Variants in MTHFD1 observed in about 807,000 individuals in gnomAD.
MTHFD1 encodes methylenetetrahydrofolate dehydrogenase, cyclohydrolase and formyltetrahydrofolate synthetase 1, also known as C-1-tetrahydrofolate synthase, cytoplasmic.
In MTHFD1, 44 loss-of-function variants were observed where a neutral mutation model predicts 110.3. The observed-to-expected ratio is 0.40, with a 90% CI of 0.31 to 0.51. The LOEUF (loss-of-function observed/expected upper bound fraction) is 0.51, where lower values mean the gene tolerates loss of function less well. Among genes scored for constraint, MTHFD1 ranks in the 20% least tolerant of loss-of-function variants. The probability of loss-of-function intolerance (pLI) is 0.60; values close to 1 mark genes in which losing one functional copy is unlikely to be tolerated. For missense variants in MTHFD1, 909 were observed against 1,173.1 expected, an observed-to-expected ratio of 0.77 and a Z score of 3.29; for synonymous variants, 402 against 428.8, an observed-to-expected ratio of 0.94 and a Z score of 0.77.
At chr14:64,397,465 C>T (rs954150536) in intron 1 of MTHFD1, among the ~76,000 whole-genome samples, 4 of 151,586 alleles carry the variant, frequency 2.6e-5, no homozygotes, top group African/African-American at 7.3e-5. Flanking sequence ...GCTGATTTTT[C>T]GTATTTTTTA....
rs570838637 is a variant in MTHFD1 at position 64,432,053 on chromosome 14, G to C, written c.1494+192G>C. ...TTTCTCATTTATCTATAGATTAGAAGTGGCTAGTGTGGAATAAATAGAACA... is the reference window on the plus strand; with the variant it reads ...TTTCTCATTTATCTATAGATTAGAACTGGCTAGTGTGGAATAAATAGAACA... On this transcript the variant is annotated intron_variant, in intron 15 of 27. Transcript: ENST00000652337. Among the ~76,000 whole-genome samples, 6 of 152,304 alleles carry C rather than the reference G, an allele frequency of 3.9e-5. No homozygotes were observed. The South Asian group carries it at 1.2e-3, about 32-fold the overall frequency.
intron 22 of MTHFD1, 30 bp downstream of exon 22, chr14:64,444,764 C>G (rs1192153572): frequency 6.2e-7 from 1 of 1,610,224 alleles, no homozygotes; most frequent in Non-Finnish European, 8.5e-7. Flanking sequence ...ATCACGTGTC[C>G]TAGAAAGCAC....
chr14:64,442,588 C>G (rs1318330731), intron 21 of MTHFD1, among the ~76,000 whole-genome samples, 186 bp downstream of exon 21: 1 of 152,198 alleles, frequency 6.6e-6, no homozygotes, highest in African/African-American at 2.4e-5. Context: ...CGTCAGCGCT[C>G]AGCATTTTAA....
intron 24 of MTHFD1, among the ~76,000 whole-genome samples, chr14:64,450,868 T>C (rs1045007109): frequency 1.3e-5 from 2 of 152,104 alleles, no homozygotes; most frequent in African/African-American, 4.8e-5. Flanking sequence ...CTACCAAGCC[T>C]GGCTAATTTG....
chr14:64,399,916 C>T (rs969987785), intron 1 of MTHFD1, among the ~76,000 whole-genome samples: 5 of 152,132 alleles, frequency 3.3e-5, no homozygotes, highest in Admixed American at 2.0e-4. Flanking sequence ...GCTGGGACTA[C>T]AGGGGCCTGC....
intron 26 of MTHFD1, 24 bp downstream of exon 26, chr14:64,454,899 A>G (rs1376870026): frequency 6.2e-7 from 1 of 1,612,992 alleles, no homozygotes; most frequent in Non-Finnish European, 8.5e-7. Flanking sequence ...GCAAGGGAGT[A>G]GTGGGCGCAT....
intron 22 of MTHFD1, among the ~76,000 whole-genome samples, chr14:64,445,682 G>A (rs1212968372): frequency 6.6e-6 from 1 of 152,110 alleles, no homozygotes; most frequent in Non-Finnish European, 1.5e-5. Flanking sequence ...GCCTTTTATG[G>A]TCATTTGTCT....
chr14:64,396,586 G>C (rs1365564169), intron 1 of MTHFD1, among the ~76,000 whole-genome samples: 2 of 128,368 alleles, frequency 1.6e-5, no homozygotes, highest in Admixed American at 8.5e-5. Context: ...TGTATTTTTA[G>C]TAGAGACGGG....
Position 64,460,011 on chromosome 14 carries a change from G to A in MTHFD1, c.*257G>A, listed in dbSNP as rs569267675. 2.1e-4 allele frequency: 263 copies of A among 1,247,224 alleles called. 1 individual carries two copies. The highest frequency in any genetic ancestry group is 2.8e-4 in the Admixed American group (13 of 46,078). 77.3% of individuals were successfully genotyped at this position (1,247,224 alleles called of 1,614,324 possible). A position where few individuals can be genotyped will look rare whatever the true frequency, so the allele number is the denominator to read the frequency against. ...AAAAGGAAACAAGTTTGCCATCTTG[G>A]TGTTGCAATATGAATTACAGCCTTA... On this transcript the variant is annotated 3_prime_UTR_variant, in exon 28 of 28. Transcript: ENST00000652337.
At chr14:64,456,337 G>T (rs1247259455) in intron 26 of MTHFD1, among the ~76,000 whole-genome samples, 1 of 152,080 alleles carries the variant, frequency 6.6e-6, no homozygotes, top group Non-Finnish European at 1.5e-5. Flanking sequence ...TTGCCGTTGG[G>T]GCCTTAACGA....
chr14:64,447,406 G>A (rs943100144), intron 22 of MTHFD1, among the ~76,000 whole-genome samples: 19 of 150,566 alleles, frequency 1.3e-4, no homozygotes, highest in African/African-American at 4.2e-4. Flanking sequence ...CACCTGCCTC[G>A]GCCCCCCAAA....
At chr14:64,426,493 C>CAA (rs1450280247) in intron 11 of MTHFD1, among the ~76,000 whole-genome samples, 4 of 152,126 alleles carry the variant, frequency 2.6e-5, no homozygotes, top group Non-Finnish European at 5.9e-5. Context: ...TGTTTTGAGA[C>CAA]AGAGTCTCGC....
At chr14:64,431,968 C>T (rs1173389267) in intron 15 of MTHFD1, 107 bp downstream of exon 15, 3 of 902,702 alleles carry the variant, frequency 3.3e-6, no homozygotes, top group Non-Finnish European at 5.4e-6. Context: ...GATGAAGTTA[C>T]ATCAGTAATC....
chr14:64,423,622 C>G (rs1316269991), intron 8 of MTHFD1, among the ~76,000 whole-genome samples: 1 of 151,726 alleles, frequency 6.6e-6, no homozygotes, highest in African/African-American at 2.4e-5. Flanking sequence ...TCTCGGACTC[C>G]TGACCTCAGG....
intron 1 of MTHFD1, among the ~76,000 whole-genome samples, chr14:64,393,417 A>G (rs969703051): frequency 2.0e-5 from 3 of 152,098 alleles, no homozygotes; most frequent in African/African-American, 4.8e-5. Flanking sequence ...CAGAAAGAAA[A>G]AAAAAAAAAA....
At chr14:64,438,354 T>G (rs1410385458) in intron 16 of MTHFD1, among the ~76,000 whole-genome samples, 1 of 152,162 alleles carries the variant, frequency 6.6e-6, no homozygotes, top group African/African-American at 2.4e-5. Flanking sequence ...GAGTTTGTAA[T>G]GAATAACAAG....
Position 64,458,060 on chromosome 14 carries a change from T to G in MTHFD1, c.2719-154T>G, listed in dbSNP as rs866227121. 1.8e-4 allele frequency: 126 copies of G among 707,552 alleles called. 2 individuals carry two copies. In the Middle Eastern group the frequency reaches 8.9e-3, roughly 50 times the overall value. The allele number at this position is 707,552 out of a possible 1,614,324, so 43.8% of individuals were successfully genotyped here. A position where few individuals can be genotyped will look rare whatever the true frequency, so the allele number is the denominator to read the frequency against. The stretch of plus-strand genomic sequence containing the variant: ...CACATGCCATCATATCCAGCTAATT[T>G]TTTATTTCCTGTAGAGATGGGGGTC... On this transcript the variant is annotated intron_variant, in intron 26 of 27. Coordinates refer to ENST00000652337, the MANE Select transcript of MTHFD1 (RefSeq NM_005956.4).
intron 1 of MTHFD1, among the ~76,000 whole-genome samples, chr14:64,391,227 C>T (rs907813752): frequency 3.3e-5 from 5 of 151,942 alleles, no homozygotes; most frequent in African/African-American, 9.7e-5. Context: ...TGCAATGGCA[C>T]GATGTTGTCT....
At chr14:64,446,826 G>C (rs2078292865) in intron 22 of MTHFD1, among the ~76,000 whole-genome samples, 2 of 152,176 alleles carry the variant, frequency 1.3e-5, no homozygotes, top group Non-Finnish European at 2.9e-5. Flanking sequence ...ACAGGCATGA[G>C]CCACCACGCC....
Sources: allele counts gnomAD v4.1 joint callset (sites outside exome capture counted in the v4.1 genomes callset), GRCh38; gene constraint gnomAD v4.1.1; transcripts MANE v1.5; gene names NCBI Gene and HGNC (gene_info 2026-07-23, HGNC 2026-07-21).